The following CLVS1 variants were observed in gnomAD, a reference collection of about 807,000 sequenced individuals.
CLVS1 encodes clavesin 1.
A neutral mutation model predicts 33.1 loss-of-function variants in CLVS1; 10 were observed. The observed-to-expected ratio is 0.30, with a 90% confidence interval of 0.19 to 0.51. CLVS1 has a LOEUF of 0.51. CLVS1 is among the 20% of genes least tolerant of loss of function. CLVS1 has a pLI of 0.97. For synonymous variants in CLVS1, 163 were observed against 166.1 expected, an observed-to-expected ratio of 0.98 and a Z score of 0.14; for missense variants, 343 against 433.4, an observed-to-expected ratio of 0.79 and a Z score of 1.85.
chr8:61,038,878 G>T, the CLVS1 span, among the ~76,000 whole-genome samples: 2 of 152,168 alleles, frequency 1.3e-5, no homozygotes, highest in Non-Finnish European at 2.9e-5. Flanking sequence ...CTCTGAGATA[G>T]GATGAACCTA....
chr8:61,065,012 A>AT (rs1804650030), intron 1 of CLVS1, among the ~76,000 whole-genome samples: 5 of 152,128 alleles, frequency 3.3e-5, no homozygotes. Flanking sequence ...CATTACTAAC[A>AT]TTTTTTAAAG....
intron 5 of CLVS1, among the ~76,000 whole-genome samples, chr8:61,486,131 T>TAAATAAATA (rs1231579701): frequency 7.7e-6 from 1 of 130,546 alleles, no homozygotes; most frequent in Non-Finnish European, 1.7e-5. Context: ...ATAAATAAAA[T>TAAATAAATA]AAATGGGAGA....
intron 3 of CLVS1, chr8:61,376,998 A>T (rs569642231): frequency 1.2e-5 from 6 of 480,338 alleles, no homozygotes; most frequent in Non-Finnish European, 2.2e-5. Flanking sequence ...TACCCCAGGC[A>T]CAAATTATCC....
intron 1 of CLVS1, among the ~76,000 whole-genome samples, chr8:61,067,552 T>A (rs1804705741): frequency 6.6e-6 from 1 of 151,586 alleles, no homozygotes; most frequent in South Asian, 2.1e-4. Context: ...AAATCCACAA[T>A]AGTTCAAACT....
chr8:61,104,057 T>C (rs1395699637), intron 1 of CLVS1, among the ~76,000 whole-genome samples: 2 of 152,234 alleles, frequency 1.3e-5, no homozygotes, highest in East Asian at 1.9e-4. Context: ...ATGTTTCCTG[T>C]ATTCAGAAAG....
At chr8:61,016,225 T>C in the CLVS1 span, among the ~76,000 whole-genome samples, 1 of 152,258 alleles carries the variant, frequency 6.6e-6, no homozygotes, top group South Asian at 2.1e-4. Context: ...TCATTCTGTA[T>C]GTGCAAGTAT....
intron 5 of CLVS1, among the ~76,000 whole-genome samples, chr8:61,461,078 G>A (rs988402228): frequency 1.3e-5 from 2 of 152,192 alleles, no homozygotes; most frequent in Admixed American, 6.5e-5. Context: ...TGTGGTGTTG[G>A]CTATTGTTTG....
intron 3 of CLVS1, among the ~76,000 whole-genome samples, chr8:61,402,589 A>G (rs1814813886): frequency 6.6e-6 from 1 of 152,216 alleles, no homozygotes; most frequent in African/African-American, 2.4e-5. Context: ...TACTAAAATG[A>G]ACAGTATAGA....
intron 2 of CLVS1, among the ~76,000 whole-genome samples, chr8:61,340,776 G>A (rs957416544): frequency 6.6e-6 from 1 of 152,152 alleles, no homozygotes; most frequent in African/African-American, 2.4e-5. Flanking sequence ...TTCCATGATG[G>A]CTGTACCAGT....
chr8:61,482,784 AACTC>A (rs1322504437), intron 5 of CLVS1, among the ~76,000 whole-genome samples: 7 of 152,222 alleles, frequency 4.6e-5, no homozygotes, highest in Admixed American at 3.9e-4. Flanking sequence ...AGGATTAAGA[AACTC>A]ACTCAAAGCC....
Position 61,401,721 on chromosome 8 carries a change from A to G in CLVS1, c.630+24942A>G, listed in dbSNP as rs546089851. The stretch of plus-strand genomic sequence containing the variant: ...AGAAAAAAACTATTTTAAAATTCAT[A>G]TGGAACCAAAAAAGAACTCAAATAG... On this transcript the variant is annotated intron_variant, in intron 3 of 5. Transcript: ENST00000325897. 3.7e-4 allele frequency among the ~76,000 whole-genome samples: 56 copies of G among 152,334 alleles called. No individual in the cohort carries two copies. The South Asian group carries it at 0.011, about 30-fold the overall frequency.
chr8:60,989,927 C>T, the CLVS1 span, among the ~76,000 whole-genome samples: 1 of 151,670 alleles, frequency 6.6e-6, no homozygotes, highest in Non-Finnish European at 1.5e-5. Context: ...AGATCGAGAC[C>T]ATCCTGGCTA....
At position 61,068,223 on chromosome 8, in the gene CLVS1, G is replaced by GTATA. The variant is rs71521932; in HGVS notation, c.-243+10996_-243+10997insATAT. ...TGTATATATATATATATATATGTAT[G>GTATA]TATGTGTATATATATATATATATAT... is the stretch of plus-strand genomic sequence containing the variant. On this transcript the variant is annotated intron_variant, in intron 1 of 2. Coordinates refer to the CLVS1 transcript ENST00000522621. 1.9e-3 allele frequency among the ~76,000 whole-genome samples: 198 copies of GTATA among 105,154 alleles called. 3 individuals are homozygous for GTATA. The highest frequency in any genetic ancestry group is 8.8e-3 in the African/African-American group (166 of 18,944). The allele number at this position is 105,154 out of a possible 152,430, so 69.0% of individuals were successfully genotyped here.
chr8:61,498,894 G>A (rs987305721), intron 5 of CLVS1, among the ~76,000 whole-genome samples: 7 of 152,196 alleles, frequency 4.6e-5, no homozygotes, highest in Admixed American at 1.3e-4. Flanking sequence ...ATGCATGGTA[G>A]TTTCCAATGA....
chr8:61,385,376 G>T (rs1031973737), intron 3 of CLVS1, among the ~76,000 whole-genome samples: 1 of 152,170 alleles, frequency 6.6e-6, no homozygotes, highest in Non-Finnish European at 1.5e-5. Context: ...ACTATTACAA[G>T]TTTCTAGTCC....
the CLVS1 span, among the ~76,000 whole-genome samples, chr8:60,997,683 G>T: frequency 6.6e-6 from 1 of 152,148 alleles, no homozygotes; most frequent in African/African-American, 2.4e-5. Flanking sequence ...CTGTGGTGAT[G>T]AACGAAGCCA....
the CLVS1 span, among the ~76,000 whole-genome samples, chr8:61,033,159 G>A: frequency 0.053 from 888 of 16,712 alleles, 99 homozygotes; most frequent in Middle Eastern, 0.2. Context: ...AAGAAAGAAA[G>A]AAAAAGAAAG....
chr8:61,409,356 CA>C lies in CLVS1; in HGVS notation c.630+32579del, dbSNP rs1815128234. ...ATTGTTATTTCTCCTCTTTTTTATA[CA>C]AGATTTCATATTATATATAGTGCTG... is the stretch of plus-strand genomic sequence containing the variant. On this transcript the variant is annotated intron_variant, in intron 3 of 5. Coordinates refer to ENST00000325897, the MANE Select transcript of CLVS1 (RefSeq NM_173519.3). Among the ~76,000 whole-genome samples the C allele has an allele frequency of 2.0e-5, 3 of 152,054 alleles. No individual in the cohort carries two copies. The South Asian group carries it at 6.2e-4, about 32-fold the overall frequency.
At chr8:61,193,329 T>A (rs937824854) in intron 2 of CLVS1, among the ~76,000 whole-genome samples, 7 of 151,882 alleles carry the variant, frequency 4.6e-5, no homozygotes, top group African/African-American at 1.7e-4. Context: ...ATGAGAACAC[T>A]TGGACACAGG....
Sources: gnomAD v4.1 joint callset for allele counts (sites outside exome capture counted in the v4.1 genomes callset) on GRCh38, gnomAD v4.1.1 for gene constraint, MANE v1.5 for transcripts, NCBI Gene and HGNC (gene_info 2026-07-23, HGNC 2026-07-21) for gene names.